PTPRN2: variants seen among roughly 807,000 people sequenced by gnomAD.
The protein encoded by PTPRN2 is protein tyrosine phosphatase receptor type N2, also known as receptor-type tyrosine-protein phosphatase N2.
Under a neutral mutation model 118.8 loss-of-function variants are expected in PTPRN2, and 74 were observed. The ratio of observed to expected loss-of-function variants is 0.62; its 90% CI spans 0.52 to 0.76. The LOEUF (loss-of-function observed/expected upper bound fraction) is 0.76. Ranked by LOEUF, PTPRN2 falls within the 30% of genes least tolerant of loss-of-function variation. PTPRN2 has a pLI of 0.00. For synonymous variants in PTPRN2, 641 were observed against 608.0 expected (o/e 1.05, Z -0.80); for missense variants, 1,481 against 1,394.4 (o/e 1.06, Z -0.99).
intron 2 of PTPRN2, among the ~76,000 whole-genome samples, chr7:158,469,447 T>TCAA (rs751250281): frequency 1.3e-5 from 2 of 151,908 alleles, no homozygotes; most frequent in Non-Finnish European, 2.9e-5. Flanking sequence ...CTCCCCTGTC[T>TCAA]CAACAACAAC....
chr7:158,492,832 G>A (rs998169672), intron 1 of PTPRN2, among the ~76,000 whole-genome samples: 6 of 152,200 alleles, frequency 3.9e-5, no homozygotes, highest in South Asian at 2.1e-4. Flanking sequence ...CAGCCCAGGC[G>A]CCTCGGGCAC....
intron 12 of PTPRN2, among the ~76,000 whole-genome samples, chr7:157,712,576 C>T (rs1367472445): frequency 6.6e-6 from 1 of 151,942 alleles, no homozygotes; most frequent in Non-Finnish European, 1.5e-5. Context: ...CATAGTGAAA[C>T]CCCGTCTCTA....
chr7:158,169,754 A>G (rs780495137), intron 5 of PTPRN2, among the ~76,000 whole-genome samples: 1 of 151,762 alleles, frequency 6.6e-6, no homozygotes, highest in Non-Finnish European at 1.5e-5. Context: ...GTGCAGTGGC[A>G]CATCTCGGCT....
chr7:158,467,031 A>G (rs1431417629), intron 2 of PTPRN2, among the ~76,000 whole-genome samples: 1 of 152,174 alleles, frequency 6.6e-6, no homozygotes, highest in Non-Finnish European at 1.5e-5. Flanking sequence ...TGTCTCAAAC[A>G]AAGCATCCAA....
At chr7:157,825,265 C>T in intron 12 of PTPRN2, among the ~76,000 whole-genome samples, 1 of 152,166 alleles carries the variant, frequency 6.6e-6, no homozygotes, top group Non-Finnish European at 1.5e-5. Flanking sequence ...TTCCCCCTTC[C>T]TGCTGGCTGA....
At chr7:157,741,051 A>AG (rs1800607205) in intron 12 of PTPRN2, among the ~76,000 whole-genome samples, 1 of 152,202 alleles carries the variant, frequency 6.6e-6, no homozygotes, top group South Asian at 2.1e-4. Context: ...CAACAAGGGA[A>AG]GGGGGGAGAT....
At chr7:158,332,602 G>A (rs1417362719) in intron 2 of PTPRN2, among the ~76,000 whole-genome samples, 3 of 150,914 alleles carry the variant, frequency 2.0e-5, no homozygotes, top group Admixed American at 1.3e-4. Flanking sequence ...CTCACCATAA[G>A]AAGTGACACC....
intron 1 of PTPRN2, among the ~76,000 whole-genome samples, chr7:158,567,673 T>A (rs1278519577): frequency 6.6e-6 from 1 of 151,982 alleles, no homozygotes; most frequent in Non-Finnish European, 1.5e-5. Context: ...ACTGAAGGGG[T>A]ACGGGCATCG....
chr7:157,819,455 C>A (rs1407622350), intron 12 of PTPRN2, among the ~76,000 whole-genome samples: 3 of 152,196 alleles, frequency 2.0e-5, no homozygotes, highest in Non-Finnish European at 2.9e-5. Flanking sequence ...AGCGCGAGGG[C>A]GCCCTGCAGG....
rs550495882 is a variant in PTPRN2, at chr7:158,044,390, C to T, written c.1723+36908G>A. ...GACTCTGGGGCCCCTTCTCCCCGCA[C>T]ATCCTGCACCTGCATAGGAATTCAT... is the stretch of plus-strand genomic sequence containing the variant. On this transcript the variant is annotated intron_variant, in intron 11 of 22. Transcript: ENST00000389418. Among the ~76,000 whole-genome samples, 4 of 152,348 alleles carry T rather than the reference C, an allele frequency of 2.6e-5. No homozygotes were observed. In the South Asian group the frequency reaches 8.3e-4, roughly 32 times the overall value.
At chr7:158,542,010 T>C (rs1283469707) in intron 1 of PTPRN2, among the ~76,000 whole-genome samples, 1 of 152,284 alleles carries the variant, frequency 6.6e-6, no homozygotes, top group Admixed American at 6.5e-5. Flanking sequence ...AACATTTCTA[T>C]ATATTTGTCA....
Position 157,585,118 on chromosome 7 carries a change from C to A in PTPRN2, c.2497-6978G>T, listed in dbSNP as rs1051115852. Among the ~76,000 whole-genome samples the A allele has an allele frequency of 6.6e-6, 1 of 152,134 alleles. No homozygotes were observed. On this transcript the variant is annotated intron_variant, in intron 17 of 22. Transcript: ENST00000389418. The surrounding 1 kb of genome is among the most constrained non-coding windows in gnomAD (Gnocchi z 5.2). ...ACGATGAGGTGACGTAGCCCACACA[C>A]ACGTCAGCAGTGCTGATGGAAAGGC...
At chr7:157,871,035 G>A (rs982061690) in intron 12 of PTPRN2, among the ~76,000 whole-genome samples, 1 of 152,230 alleles carries the variant, frequency 6.6e-6, no homozygotes, top group African/African-American at 2.4e-5. Context: ...GGTGCTGGGG[G>A]CGCTAGGCCA....
chr7:158,149,826 C>G (rs1459991397), intron 6 of PTPRN2, among the ~76,000 whole-genome samples: 4 of 151,074 alleles, frequency 2.6e-5, no homozygotes, highest in Non-Finnish European at 5.9e-5. Context: ...AAGATAAACC[C>G]AAGTGATGTC....
At chr7:157,713,774 C>T (rs965030506) in intron 12 of PTPRN2, among the ~76,000 whole-genome samples, 3 of 152,216 alleles carry the variant, frequency 2.0e-5, no homozygotes, top group African/African-American at 4.8e-5. Context: ...AGCTTTGCTA[C>T]GGACACGGAG....
intron 2 of PTPRN2, among the ~76,000 whole-genome samples, chr7:158,436,290 C>A (rs1816567696): frequency 6.6e-6 from 1 of 152,230 alleles, no homozygotes; most frequent in Admixed American, 6.5e-5. Flanking sequence ...TGCCAGAAGC[C>A]CCTGCAGTCT....
At chr7:158,062,334 C>T (rs1197115944) in intron 11 of PTPRN2, among the ~76,000 whole-genome samples, 1 of 152,266 alleles carries the variant, frequency 6.6e-6, no homozygotes, top group East Asian at 1.9e-4. Flanking sequence ...CCTGCTGTTA[C>T]AGTCAGTGCA....
chr7:157,863,764 C>T (rs1036583649), intron 12 of PTPRN2: 1 of 152,152 alleles, frequency 6.6e-6, no homozygotes, highest in African/African-American at 2.4e-5. Flanking sequence ...GACCGGTATC[C>T]TTATCAGAAA....
At position 157,874,843 on chromosome 7, in the gene PTPRN2, A is replaced by G. The variant is rs1795631682; in HGVS notation, c.1788+23830T>C. 2.0e-5 allele frequency among the ~76,000 whole-genome samples: 3 copies of G among 151,736 alleles called. No homozygotes were observed. Among genetic ancestry groups the G allele is most frequent in the South Asian group, 4.2e-4 (2 of 4,796 alleles). On this transcript the variant is annotated intron_variant, in intron 12 of 22. Coordinates refer to ENST00000389418, the MANE Select transcript of PTPRN2 (RefSeq NM_002847.5). The surrounding 1 kb of genome is among the most constrained non-coding windows in gnomAD (Gnocchi z 5.8). ...GACACACACAGAGACACACTCATGCACATATACACACGGAGACACACTCGT... is the reference window on the plus strand; with the variant it reads ...GACACACACAGAGACACACTCATGCGCATATACACACGGAGACACACTCGT...
Sources: gnomAD v4.1 joint callset for allele counts (sites outside exome capture counted in the v4.1 genomes callset) on GRCh38, gnomAD v4.1.1 for gene constraint, Gnocchi (gnomAD v3.1) non-coding constraint, MANE v1.5 for transcripts, NCBI Gene and HGNC (gene_info 2026-07-23, HGNC 2026-07-21) for gene names.